Variants in TRIM39 observed in about 807,000 individuals in gnomAD.
The protein encoded by TRIM39 is E3 ubiquitin-protein ligase TRIM39.
Under a neutral mutation model 53.6 loss-of-function variants are expected in TRIM39, and 5 were observed. The ratio of observed to expected loss-of-function variants is 0.09; its 90% CI spans 0.05 to 0.20. TRIM39 has a LOEUF of 0.20. Ranked by LOEUF, TRIM39 falls within the 10% of genes least tolerant of loss-of-function variation. The probability of loss-of-function intolerance (pLI) is 1.00; values close to 1 mark genes in which losing one functional copy is unlikely to be tolerated. For synonymous variants in TRIM39, 196 were observed against 237.6 expected, an observed-to-expected ratio of 0.82 and a Z score of 1.61; for missense variants, 310 against 621.0, an observed-to-expected ratio of 0.50 and a Z score of 5.32.
exon 3 of TRIM39, chr6:30,329,750 G>A (rs893296728): frequency 3.1e-6 from 5 of 1,612,916 alleles, no homozygotes; most frequent in East Asian, 2.2e-5. Context: ...GCCACTGGAC[G>A]ATGCTACACA....
chr6:30,337,174 A>G (rs1237142012), intron 5 of TRIM39, among the ~76,000 whole-genome samples: 2 of 152,118 alleles, frequency 1.3e-5, no homozygotes, highest in African/African-American at 4.8e-5. Context: ...AGGCCAAGGC[A>G]GGTGGATCAC....
rs1486113610 is a variant in TRIM39 at position 30,339,989 on chromosome 6, C to G, written c.803+59C>G. On this transcript the variant is annotated intron_variant, in intron 6 of 7. Coordinates refer to ENST00000396551, the Ensembl canonical transcript of TRIM39. The surrounding 1 kb of genome is among the most constrained non-coding windows in gnomAD (Gnocchi z 4.2). The stretch of plus-strand genomic sequence containing the variant: ...GGTCTTGGCTTAGAGAGGAGGGGTA[C>G]AGTCAGGAGTTTGGGTTGGGGGTGA... 6.2e-7 allele frequency: 1 copy of G among 1,613,014 alleles called. No individual in the cohort carries two copies. Among genetic ancestry groups the G allele is most frequent in the Non-Finnish European group, 8.5e-7 (1 of 1,179,338 alleles).
intron 5 of TRIM39, chr6:30,336,178 G>A (rs190426937): frequency 1.3e-4 from 100 of 783,378 alleles, no homozygotes; most frequent in African/African-American, 8.5e-4. Flanking sequence ...TCTTATCTCT[G>A]GTCAGCAATT....
intron 3 of TRIM39, among the ~76,000 whole-genome samples, chr6:30,330,558 A>T (rs1484294167): frequency 6.6e-6 from 1 of 152,170 alleles, no homozygotes; most frequent in African/African-American, 2.4e-5. Flanking sequence ...GTAAAAGGAC[A>T]GTTGGGTGAG....
At position 30,342,350 on chromosome 6, in the gene TRIM39, C is replaced by A; in HGVS notation, c.*91C>A. 1 of 1,376,938 alleles carries A rather than the reference C, an allele frequency of 7.3e-7. No individual in the cohort carries two copies. Among genetic ancestry groups the A allele is most frequent in the Non-Finnish European group, 1.0e-6 (1 of 988,878 alleles). The allele number at this position is 1,376,938 out of a possible 1,614,324, so 85.3% of individuals were successfully genotyped here. ...CCTGCTGGAACGTCTTCGTGTCCAC[C>A]TGGGTCCAGTCCTGAATCATCTTGG... On this transcript the variant is annotated 3_prime_UTR_variant, in exon 8 of 8. Transcript: ENST00000396551. This position sits in a 1 kb window ranked among gnomAD's most constrained non-coding sequence, Gnocchi z 4.7.
chr6:30,335,859 A>C lies in TRIM39; in HGVS notation c.664A>C (p.Ile222Leu). Residue 222 changes from isoleucine to leucine, a missense_variant, in exon 5 of 8, where the codon ATT (isoleucine) becomes CTT (leucine). Ile to Leu is a conservative substitution (Grantham distance 5, BLOSUM62 2). Around this residue, in one of 5 missense-constraint regions of TRIM39, gnomAD observed 161 missense variants for 210.0 expected, o/e 0.77. Coordinates refer to ENST00000396551, the Ensembl canonical transcript of TRIM39. The surrounding 1 kb of genome is among the most constrained non-coding windows in gnomAD (Gnocchi z 4.7). ...ACGACTGGAAGAAGAGGAACAGGACATTCTGCAGCGACTCCGAGAAAATGC... is the reference window on the plus strand; with the variant it reads ...ACGACTGGAAGAAGAGGAACAGGACCTTCTGCAGCGACTCCGAGAAAATGC... 6.2e-7 allele frequency: 1 copy of C among 1,612,932 alleles called. No individual in the cohort carries two copies. Among genetic ancestry groups the C allele is most frequent in the East Asian group, 2.2e-5 (1 of 44,878 alleles).
At chr6:30,340,530 G>C (rs749067232) in exon 7 of TRIM39, 1 of 1,613,058 alleles carries the variant, frequency 6.2e-7, no homozygotes. Context: ...GACCATGGAG[G>C]TGACTTCAGT....
chr6:30,328,203 G>A (rs1301565262), intron 1 of TRIM39, among the ~76,000 whole-genome samples: 1 of 152,228 alleles, frequency 6.6e-6, no homozygotes, highest in East Asian at 1.9e-4. Context: ...ATAAGTTGGA[G>A]ACACACTATG....
chr6:30,330,983 G>A (rs1299168318), intron 4 of TRIM39, 107 bp downstream of exon 4: 3 of 1,311,720 alleles, frequency 2.3e-6, no homozygotes, highest in Non-Finnish European at 2.1e-6. Flanking sequence ...GAAAAATGCA[G>A]TTCTCGCCGG....
intron 5 of TRIM39, 120 bp downstream of exon 5, chr6:30,336,095 C>A: frequency 1.4e-6 from 2 of 1,437,616 alleles, no homozygotes; most frequent in Non-Finnish European, 1.9e-6. Context: ...CCAGTTCTTT[C>A]TGCCAGGTGT....
intron 4 of TRIM39, among the ~76,000 whole-genome samples, chr6:30,334,442 T>C (rs1367301703): frequency 6.6e-6 from 1 of 152,252 alleles, no homozygotes; most frequent in Non-Finnish European, 1.5e-5. Context: ...CTTAAGTCTG[T>C]GTGCTGGCTT....
intron 5 of TRIM39, among the ~76,000 whole-genome samples, chr6:30,337,796 A>C (rs1787046066): frequency 6.6e-6 from 1 of 152,186 alleles, no homozygotes; most frequent in Non-Finnish European, 1.5e-5. Context: ...ACTTCTCTCG[A>C]ACTGTGAAAG....
chr6:30,340,318 CGGGATCATAA>C, intron 6 of TRIM39, 177 bp from the exon 7 acceptor site: 1 of 1,612,976 alleles, frequency 6.2e-7, no homozygotes, highest in South Asian at 1.1e-5. Flanking sequence ...GATCTGTCCA[CGGGATCATAA>C]GGCTCTCCTT....
At chr6:30,340,546 T>C (rs771773498) in exon 7 of TRIM39, 11 of 1,612,950 alleles carry the variant, frequency 6.8e-6, no homozygotes, top group Admixed American at 5.0e-5. Flanking sequence ...TCAGTATCCA[T>C]AGAGCTGGAA....
In TRIM39 at chr6:30,342,052, C is replaced by T. The variant is rs550961668; in HGVS notation, c.1260C>T (p.His420=). 9.9e-6 allele frequency: 16 copies of T among 1,613,044 alleles called. No individual in the cohort carries two copies. The highest frequency in any genetic ancestry group is 1.6e-4 in the Middle Eastern group (1 of 6,062). Reference sequence around the variant, plus strand: ...CCACCACACCTTTTACCCCTTTGCACATCAAGGTGAAACCCAAGCGGGTAG... The same window carrying T: ...CCACCACACCTTTTACCCCTTTGCATATCAAGGTGAAACCCAAGCGGGTAG... The change falls in exon 8 of 8, where the codon CAC becomes CAT. Residue 420 remains histidine, a synonymous_variant. Transcript: ENST00000396551. The surrounding 1 kb of genome is among the most constrained non-coding windows in gnomAD (Gnocchi z 4.7).
chr6:30,335,996 T>C lies in TRIM39; in HGVS notation c.780+21T>C, dbSNP rs779560890. ...TTAAGGTTCGACCTTTGCCCCTGCA[T>C]AGCCCCTCAGGCTGAGTGCAGCGTA... On this transcript the variant is annotated intron_variant, in intron 5 of 7. Coordinates refer to ENST00000396551, the Ensembl canonical transcript of TRIM39. This position sits in a 1 kb window ranked among gnomAD's most constrained non-coding sequence, Gnocchi z 4.7. 6.2e-7 allele frequency: 1 copy of C among 1,612,716 alleles called. No homozygotes were observed. Among genetic ancestry groups the C allele is most frequent in the Non-Finnish European group, 8.5e-7 (1 of 1,179,932 alleles).
chr6:30,340,507 G>A, exon 7 of TRIM39: 2 of 1,612,988 alleles, frequency 1.2e-6, no homozygotes, highest in South Asian at 1.1e-5. Flanking sequence ...CCTCCTAGAT[G>A]TGAAAAGGTG....
rs925846963 is a variant in TRIM39 at position 30,329,228 on chromosome 6, C to T, written c.-7-83C>T. On this transcript the variant is annotated intron_variant, in intron 2 of 7. Coordinates refer to ENST00000396551, the Ensembl canonical transcript of TRIM39. ...TAGGACTTAACATAGGGATAAATGT[C>T]GGGTCAGGGATGCAAAAAAAAAAAA... The T allele has an allele frequency of 3.8e-5, 55 of 1,432,742 alleles. No individual in the cohort carries two copies. The South Asian group carries it at 4.5e-4, about 12-fold the overall frequency. 88.8% of individuals were successfully genotyped at this position (1,432,742 alleles called of 1,614,324 possible). A position where few individuals can be genotyped will look rare whatever the true frequency, so the allele number is the denominator to read the frequency against.
intron 5 of TRIM39, 132 bp downstream of exon 5, chr6:30,336,107 C>T (rs1786826838): frequency 7.4e-7 from 1 of 1,352,124 alleles, no homozygotes. Flanking sequence ...GCCAGGTGTA[C>T]TCAAAGGGTC....
Sources: allele counts gnomAD v4.1 joint callset (sites outside exome capture counted in the v4.1 genomes callset), GRCh38; gene constraint gnomAD v4.1.1; regional missense constraint gnomAD v4.1.1; non-coding constraint Gnocchi (gnomAD v3.1); transcripts MANE v1.5; gene names NCBI Gene and HGNC (gene_info 2026-07-23, HGNC 2026-07-21).